Variants in CDC20B observed in about 807,000 individuals in gnomAD.
CDC20B encodes cell division cycle protein 20 homolog B.
In CDC20B, 58 loss-of-function variants were observed where a neutral mutation model predicts 64.1. That is an observed-to-expected ratio of 0.90 (90% CI 0.73 to 1.13). CDC20B has a LOEUF of 1.13. CDC20B is among the 50% of genes most tolerant of loss of function. The pLI is 0.00. For synonymous variants in CDC20B, 243 were observed against 230.6 expected, an observed-to-expected ratio of 1.05 and a Z score of -0.49; for missense variants, 597 against 633.0, an observed-to-expected ratio of 0.94 and a Z score of 0.61.
chr5:55,120,506 T>G lies in CDC20B; in HGVS notation c.1260A>C (p.Gly420=), dbSNP rs779392014. The G allele has an allele frequency of 6.2e-7, 1 of 1,613,718 alleles. No individual in the cohort carries two copies. Among genetic ancestry groups the G allele is most frequent in the South Asian group, 1.1e-5 (1 of 91,034 alleles). ...CPWQSGVLAI[G]GGMKDGRLHI... is the part of the protein sequence containing the mutation. ...GTAAGCGTCCATCCTTCATTCCTCC[T>G]CCAATGGCAAGGACCCCAGACTGCC... is the stretch of plus-strand genomic sequence containing the variant. Residue 420 remains glycine, a synonymous_variant, in exon 10 of 12, where the codon GGA becomes GGC. Transcript: ENST00000381375.
At chr5:55,130,138 T>C (rs932640890) in intron 6 of CDC20B, among the ~76,000 whole-genome samples, 2 of 152,104 alleles carry the variant, frequency 1.3e-5, no homozygotes, top group East Asian at 1.9e-4. Flanking sequence ...CAAAAGTATT[T>C]TCTAAGTAAA....
Position 55,127,285 on chromosome 5 carries a change from G to C in CDC20B, c.961C>G (p.Leu321Val). ...CTGAGGATAAAGTGATTCCAGCTCAGAGCCCCAACTACTGACAAATGACCA... is the reference window on the plus strand; with the variant it reads ...CTGAGGATAAAGTGATTCCAGCTCACAGCCCCAACTACTGACAAATGACCA... ...MLGHLSVVGA[L>V]SWNHFILSSG... Residue 321 changes from leucine (L) to valine (V), a missense_variant, in exon 8 of 12, where the codon CTG (leucine) becomes GTG (valine). Leu to Val is a conservative substitution (Grantham distance 32, BLOSUM62 1). Around this residue, in one of 3 missense-constraint regions of CDC20B, gnomAD observed 353 missense variants for 397.0 expected, o/e 0.89. Coordinates refer to ENST00000381375, the MANE Select transcript of CDC20B (RefSeq NM_001170402.1). The C allele has an allele frequency of 6.2e-7, 1 of 1,614,112 alleles. No individual in the cohort carries two copies. The highest frequency in any genetic ancestry group is 8.5e-7 in the Non-Finnish European group (1 of 1,179,980).
chr5:55,159,475 G>A (rs1356072214), intron 2 of CDC20B, among the ~76,000 whole-genome samples: 2 of 152,152 alleles, frequency 1.3e-5, no homozygotes, highest in African/African-American at 4.8e-5. Context: ...ACCCAGTTAT[G>A]TTGTAAAGTG....
chr5:55,160,114 C>A, intron 2 of CDC20B: 2 of 1,063,006 alleles, frequency 1.9e-6, no homozygotes, highest in South Asian at 1.3e-5. Context: ...CCTGGTTTTC[C>A]GTTAAACTAA....
At chr5:55,126,645 A>G (rs533062544) in intron 8 of CDC20B, among the ~76,000 whole-genome samples, 34 of 152,290 alleles carry the variant, frequency 2.2e-4, no homozygotes, top group South Asian at 6.2e-4. Context: ...AAGCAGTTAA[A>G]CTAAATCACT....
chr5:55,130,948 C>T (rs1743013156), intron 6 of CDC20B, among the ~76,000 whole-genome samples: 1 of 151,920 alleles, frequency 6.6e-6, no homozygotes, highest in African/African-American at 2.4e-5. Flanking sequence ...AAAGTAAGAC[C>T]CCATCTCTAT....
chr5:55,131,033 G>A (rs1743016102), intron 6 of CDC20B, among the ~76,000 whole-genome samples: 3 of 152,054 alleles, frequency 2.0e-5, no homozygotes, highest in Admixed American at 6.5e-5. Context: ...AAGGCAGGAG[G>A]ATCACTTGAG....
At chr5:55,132,310 C>T (rs1580344360) in intron 6 of CDC20B, among the ~76,000 whole-genome samples, 3 of 152,176 alleles carry the variant, frequency 2.0e-5, no homozygotes, top group Non-Finnish European at 4.4e-5. Context: ...CTTCCCTCTG[C>T]TCCTCTCTCC....
intron 5 of CDC20B, among the ~76,000 whole-genome samples, chr5:55,140,005 C>T (rs1410235265): frequency 2.0e-5 from 3 of 152,070 alleles, no homozygotes; most frequent in Middle Eastern, 6.8e-3. Flanking sequence ...CCAGCCTGAG[C>T]AACACCAAAA....
At chr5:55,166,333 G>A (rs553421882) in intron 2 of CDC20B, 5 of 152,368 alleles carry the variant, frequency 3.3e-5, no homozygotes, top group African/African-American at 9.6e-5. Context: ...GATAAAGTGG[G>A]TTTCTTCACT....
intron 5 of CDC20B, among the ~76,000 whole-genome samples, chr5:55,135,121 G>A (rs1353413686): frequency 1.3e-5 from 2 of 152,284 alleles, no homozygotes; most frequent in Non-Finnish European, 2.9e-5. Flanking sequence ...GATAACGGGG[G>A]AGGCTGTGCA....
chr5:55,116,743 T>C (rs763305642), intron 11 of CDC20B, among the ~76,000 whole-genome samples: 2 of 152,226 alleles, frequency 1.3e-5, no homozygotes, highest in Non-Finnish European at 1.5e-5. Flanking sequence ...CACTCTTTTG[T>C]GTTATGATGA....
At chr5:55,160,113 C>A (rs972373519) in intron 2 of CDC20B, 2 of 1,026,502 alleles carry the variant, frequency 1.9e-6, no homozygotes, top group South Asian at 2.6e-5. Flanking sequence ...TCCTGGTTTT[C>A]CGTTAAACTA....
intron 5 of CDC20B, among the ~76,000 whole-genome samples, chr5:55,139,056 GT>G (rs112057021): frequency 0.2 from 28,821 of 147,152 alleles, 2,832 homozygotes; most frequent in South Asian, 0.3. Context: ...TTTACAATGA[GT>G]TTTTTTTTTT....
intron 2 of CDC20B, among the ~76,000 whole-genome samples, chr5:55,152,671 G>A (rs911913320): frequency 2.0e-5 from 3 of 152,288 alleles, no homozygotes; most frequent in Admixed American, 2.0e-4. Context: ...TTTGAACTCT[G>A]ACAAATCAAT....
chr5:55,143,461 T>C, intron 4 of CDC20B, 52 bp downstream of exon 4: 1 of 1,505,692 alleles, frequency 6.6e-7, no homozygotes, highest in Non-Finnish European at 8.9e-7. Flanking sequence ...TGCAACTAAG[T>C]TGTCTCAGCT....
intron 6 of CDC20B, among the ~76,000 whole-genome samples, chr5:55,132,206 C>A (rs184592796): frequency 6.9e-4 from 105 of 152,274 alleles, no homozygotes; most frequent in Non-Finnish European, 1.5e-5. Flanking sequence ...GGAGAAGGAG[C>A]TGAAGGAATA....
intron 2 of CDC20B, chr5:55,163,949 C>T: frequency 1.2e-6 from 1 of 838,446 alleles, no homozygotes; most frequent in Non-Finnish European, 1.8e-6. Context: ...TTATGACAGT[C>T]CTAGAACTTG....
intron 2 of CDC20B, among the ~76,000 whole-genome samples, chr5:55,153,526 AAGTAACT>A (rs1743730092): frequency 6.6e-6 from 1 of 152,196 alleles, no homozygotes; most frequent in South Asian, 2.1e-4. Flanking sequence ...TAGGAGAAGC[AAGTAACT>A]AGTAATAAAT....
Sources: allele counts gnomAD v4.1 joint callset (sites outside exome capture counted in the v4.1 genomes callset), GRCh38; gene constraint gnomAD v4.1.1; regional missense constraint gnomAD v4.1.1; transcripts MANE v1.5; gene names NCBI Gene and HGNC (gene_info 2026-07-23, HGNC 2026-07-21).